CDH15: variants seen among roughly 807,000 people sequenced by gnomAD.
The protein encoded by CDH15 is cadherin-15.
A neutral mutation model predicts 69.4 loss-of-function variants in CDH15; 73 were observed. That is an observed-to-expected ratio of 1.05 (90% CI 0.87 to 1.28). CDH15 has a LOEUF of 1.28. Among genes scored for constraint, CDH15 ranks in the 50% most tolerant of loss-of-function variants. The pLI is 0.00. For synonymous variants in CDH15, 624 were observed against 507.7 expected, an observed-to-expected ratio of 1.23 and a Z score of -3.08; for missense variants, 1,343 against 1,133.6, an observed-to-expected ratio of 1.18 and a Z score of -2.65.
At chr16:89,183,079 G>A (rs557406462) in intron 3 of CDH15, 1 of 157,658 alleles carries the variant, frequency 6.3e-6, no homozygotes, top group Non-Finnish European at 1.4e-5. Flanking sequence ...CTACTTGGGA[G>A]GCTGAGGCAG....
rs750758360 is a variant in CDH15 at position 89,187,410 on chromosome 16, C to T, written c.664-19C>T. On this transcript the variant is annotated intron_variant, in intron 5 of 13. Coordinates refer to ENST00000289746, the MANE Select transcript of CDH15 (RefSeq NM_004933.3). ...CCACCTGGGCCCTCATCTTCTGACC[C>T]TGTGCCCCACATCCCCAGGTGGTCG... is the stretch of plus-strand genomic sequence containing the variant. 23 of 1,611,896 alleles carry T rather than the reference C, an allele frequency of 1.4e-5. No homozygotes were observed. The highest frequency in any genetic ancestry group is 1.8e-5 in the Non-Finnish European group (21 of 1,179,954).
chr16:89,192,961 C>T (rs1232280360), intron 11 of CDH15, among the ~76,000 whole-genome samples: 1 of 124,248 alleles, frequency 8.0e-6, no homozygotes. Flanking sequence ...CGCAACACCA[C>T]CCACTCATTA....
At chr16:89,193,288 T>C in intron 11 of CDH15, among the ~76,000 whole-genome samples, 182 bp from the exon 12 acceptor site, 2 of 127,372 alleles carry the variant, frequency 1.6e-5, no homozygotes, top group Non-Finnish European at 3.3e-5. Context: ...ACCTCGCGGC[T>C]TCCTCCCCAA....
chr16:89,192,063 C>T (rs1915660134), intron 10 of CDH15, 142 bp from the exon 11 acceptor site: 1 of 1,169,418 alleles, frequency 8.6e-7, no homozygotes, highest in Non-Finnish European at 1.2e-6. Flanking sequence ...GGCAGGGTTA[C>T]TCATTGTGCC....
chr16:89,190,555 G>A (rs911168128), intron 8 of CDH15, 59 bp downstream of exon 8: 19 of 1,548,654 alleles, frequency 1.2e-5, no homozygotes, highest in East Asian at 4.8e-5. Flanking sequence ...TTCCTGCTTC[G>A]GGTGCCCCTG....
chr16:89,192,237 G>T lies in CDH15; in HGVS notation c.1648G>T (p.Val550Phe). 1.3e-6 allele frequency: 2 copies of T among 1,529,564 alleles called. No individual in the cohort carries two copies. The highest frequency in any genetic ancestry group is 1.2e-5 in the South Asian group (1 of 83,662). The allele number at this position is 1,529,564 out of a possible 1,614,324, so 94.7% of individuals were successfully genotyped here. A position where few individuals can be genotyped will look rare whatever the true frequency, so the allele number is the denominator to read the frequency against. The change falls in exon 11 of 14, where the codon GTC (valine) becomes TTC (phenylalanine). Residue 550 changes from valine (V) to phenylalanine (F), a missense_variant. By Grantham distance (50) the Val-to-Phe change is conservative. Transcript: ENST00000289746. ...SHARLRPRHQ[V>F]PEGLHRLSLL... ...CGCGCGCCTGCGGCCGCGACACCAG[G>T]TCCCCGAAGGCCTGCACCGCCTCAG...
At chr16:89,183,727 C>T in intron 4 of CDH15, 35 bp downstream of exon 4, 3 of 1,563,140 alleles carry the variant, frequency 1.9e-6, no homozygotes, top group Non-Finnish European at 2.6e-6. Context: ...CCGGGAGGGG[C>T]TGCAAGGAAG....
chr16:89,193,610 A>G lies in CDH15; in HGVS notation c.1992+4A>G. The G allele has an allele frequency of 8.0e-7, 1 of 1,246,080 alleles. No homozygotes were observed. The highest frequency in any genetic ancestry group is 1.2e-6 in the Non-Finnish European group (1 of 856,834). The allele number at this position is 1,246,080 out of a possible 1,614,324, so 77.2% of individuals were successfully genotyped here. A position where few individuals can be genotyped will look rare whatever the true frequency, so the allele number is the denominator to read the frequency against. ...AGGAGGCGGGGAGGAGGACCAGGTG[A>G]GGGGGCAGGTGTGGGTGGGGAGGGG... On this transcript the variant is annotated splice_donor_region_variant and intron_variant, in intron 12 of 13. Coordinates refer to ENST00000289746, the MANE Select transcript of CDH15 (RefSeq NM_004933.3).
rs777381509 is a variant in CDH15, at chr16:89,191,850, G to A, written c.1571G>A (p.Arg524Lys). The A allele has an allele frequency of 1.2e-6, 2 of 1,600,548 alleles. No homozygotes were observed. Among genetic ancestry groups the A allele is most frequent in the East Asian group, 4.5e-5 (2 of 44,720 alleles). ...GAPFHFQLSP[R>K]LPELGRNWSL... ...CCCTTCCACTTCCAGCTGAGCCCCA[G>A]GCTCCCAGAGCTCGGCCGGAACTGG... The change falls in exon 10 of 14, where the codon AGG becomes AAG. Residue 524 changes from arginine to lysine, a missense_variant. Transcript: ENST00000289746.
intron 1 of CDH15, among the ~76,000 whole-genome samples, chr16:89,173,650 C>T (rs963859786): frequency 1.3e-5 from 2 of 152,210 alleles, no homozygotes; most frequent in Non-Finnish European, 2.9e-5. Context: ...GTGAGCTCTC[C>T]TGGGCAGCCT....
intron 5 of CDH15, 123 bp downstream of exon 5, chr16:89,185,456 C>A: frequency 8.9e-7 from 1 of 1,127,654 alleles, no homozygotes; most frequent in Non-Finnish European, 1.3e-6. Context: ...GCAGAGCTTG[C>A]AGTGGCCCTG....
In CDH15 at chr16:89,193,780, G is replaced by A. The variant is rs200227879; in HGVS notation, c.2018G>A (p.Arg673His). The part of the protein sequence containing the change: ...DQDAYDISQL[R>H]HPTALSLPLG... ...GACGCCTACGACATCAGCCAGCTGC[G>A]TCACCCGACAGCGCTGAGCCTGCCT... The change falls in exon 13 of 14, where the codon CGT (arginine) becomes CAT (histidine). Residue 673 changes from arginine to histidine, a missense_variant. Transcript: ENST00000289746. 266 of 1,605,218 alleles carry A rather than the reference G, an allele frequency of 1.7e-4. No individual in the cohort carries two copies. The highest frequency in any genetic ancestry group is 2.1e-4 in the Non-Finnish European group (245 of 1,179,136).
chr16:89,178,346 G>A (rs774099318), intron 1 of CDH15, among the ~76,000 whole-genome samples: 3 of 152,164 alleles, frequency 2.0e-5, no homozygotes, highest in Non-Finnish European at 4.4e-5. Context: ...AGGGCTTCCC[G>A]TGTGCATTAC....
chr16:89,191,863 C>G lies in CDH15; in HGVS notation c.1584C>G (p.Leu528=), dbSNP rs1394662566. ...AGCTGAGCCCCAGGCTCCCAGAGCT[C>G]GGCCGGAACTGGAGCCTCAGCCAGG... is the stretch of plus-strand genomic sequence containing the variant. ...HFQLSPRLPE[L]GRNWSLSQVN... is the part of the protein sequence containing the mutation. Residue 528 remains leucine (L), a synonymous_variant, in exon 10 of 14, where the codon CTC becomes CTG. Transcript: ENST00000289746. The G allele has an allele frequency of 1.3e-6, 2 of 1,595,268 alleles. No homozygotes were observed. Among genetic ancestry groups the G allele is most frequent in the East Asian group, 2.2e-5 (1 of 44,466 alleles).
At chr16:89,185,717 G>A in intron 5 of CDH15, 1 of 339,692 alleles carries the variant, frequency 2.9e-6, no homozygotes, top group Non-Finnish European at 5.7e-6. Context: ...CCTTGAGTCA[G>A]CTCCTCTAGG....
intron 11 of CDH15, 145 bp from the exon 12 acceptor site, chr16:89,193,325 C>T: frequency 1.4e-6 from 1 of 713,352 alleles, no homozygotes. Flanking sequence ...CCAGACACGC[C>T]CTTTCCCCAA....
In CDH15 at chr16:89,193,892, C is replaced by T. The variant is rs773853950; in HGVS notation, c.2130C>T (p.Asp710=). 11 of 1,612,260 alleles carry T rather than the reference C, an allele frequency of 6.8e-6. No individual in the cohort carries two copies. In the Admixed American group the frequency reaches 1.3e-4, roughly 20 times the overall value. Residue 710 remains aspartate (D), a synonymous_variant, in exon 13 of 14, where the codon GAC becomes GAT. Coordinates refer to ENST00000289746, the MANE Select transcript of CDH15 (RefSeq NM_004933.3). Reference sequence around the variant, plus strand: ...GAGTGCTGCCCACCAGCCCCCTGGACATCGCCGACTTCATCAATGATGTAG... The same window carrying T: ...GAGTGCTGCCCACCAGCCCCCTGGATATCGCCGACTTCATCAATGATGTAG... ...PPRVLPTSPL[D]IADFINDGLE...
At chr16:89,183,513 G>A (rs769760600) in intron 3 of CDH15, 35 bp from the exon 4 acceptor site, 6 of 1,613,320 alleles carry the variant, frequency 3.7e-6, no homozygotes, top group Non-Finnish European at 4.2e-6. Flanking sequence ...AAATTTGGGG[G>A]CCACAGAGCC....
chr16:89,188,268 G>C lies in CDH15; in HGVS notation c.961G>C (p.Val321Leu). ...IRTDPKTNEG[V>L]LSIVKALDYE... is the part of the protein sequence containing the mutation. The stretch of plus-strand genomic sequence containing the variant: ...CACGGACCCCAAGACCAACGAGGGT[G>C]TTCTGTCCATTGTGAAGGTGAGCGG... The change falls in exon 7 of 14, where the codon GTT becomes CTT. Residue 321 changes from valine (V) to leucine (L), a missense_variant. Transcript: ENST00000289746. The C allele has an allele frequency of 6.2e-7, 1 of 1,613,386 alleles. No individual in the cohort carries two copies. The highest frequency in any genetic ancestry group is 8.5e-7 in the Non-Finnish European group (1 of 1,179,940).
Sources: gnomAD v4.1 joint callset for allele counts (sites outside exome capture counted in the v4.1 genomes callset) on GRCh38, gnomAD v4.1.1 for gene constraint, MANE v1.5 for transcripts, NCBI Gene and HGNC (gene_info 2026-07-23, HGNC 2026-07-21) for gene names.